The following NCALD variants were observed in gnomAD, a reference collection of about 807,000 sequenced individuals.
NCALD encodes the protein neurocalcin-delta.
In NCALD, 10 loss-of-function variants were observed where a neutral mutation model predicts 18.6. That is an observed-to-expected ratio of 0.54 (90% CI 0.33 to 0.91). The LOEUF (loss-of-function observed/expected upper bound fraction) is 0.91. Among genes scored for constraint, NCALD ranks in the 40% least tolerant of loss-of-function variants. NCALD has a pLI of 0.03. For synonymous variants in NCALD, 88 were observed against 87.4 expected (o/e 1.01, Z -0.04); for missense variants, 184 against 247.6 (o/e 0.74, Z 1.72).
intron 1 of NCALD, among the ~76,000 whole-genome samples, chr8:101,735,890 C>T (rs1809887504): frequency 6.6e-6 from 1 of 152,332 alleles, no homozygotes; most frequent in East Asian, 1.9e-4. Flanking sequence ...ACCGTTGATT[C>T]TCACTTCCAT....
intron 1 of NCALD, among the ~76,000 whole-genome samples, chr8:102,116,349 C>T (rs1430275652): frequency 6.6e-6 from 1 of 152,184 alleles, no homozygotes; most frequent in East Asian, 1.9e-4. Flanking sequence ...AATCTAGGGG[C>T]ACCGTAACAG....
intron 4 of NCALD, among the ~76,000 whole-genome samples, chr8:101,806,330 C>G (rs1813100136): frequency 6.6e-6 from 1 of 152,024 alleles, no homozygotes; most frequent in East Asian, 1.9e-4. Flanking sequence ...AAATGTAACT[C>G]ATACACGGGA....
chr8:101,935,014 T>C (rs770633792), intron 2 of NCALD, among the ~76,000 whole-genome samples: 2 of 151,918 alleles, frequency 1.3e-5, no homozygotes, highest in Non-Finnish European at 2.9e-5. Context: ...TATAAAAAAC[T>C]TGTCAAAGAA....
chr8:101,990,818 GCA>G (rs1230736316), intron 2 of NCALD, among the ~76,000 whole-genome samples: 2 of 152,190 alleles, frequency 1.3e-5, no homozygotes, highest in Non-Finnish European at 2.9e-5. Flanking sequence ...CAGCATTAGG[GCA>G]AGCAATATTC....
chr8:101,918,044 G>A (rs140461193), intron 2 of NCALD, among the ~76,000 whole-genome samples: 13 of 152,062 alleles, frequency 8.5e-5, no homozygotes, highest in South Asian at 4.1e-4. Flanking sequence ...GAAAACTACC[G>A]GCTAATATCT....
chr8:101,798,021 A>G (rs1359632303), intron 4 of NCALD, among the ~76,000 whole-genome samples: 1 of 152,208 alleles, frequency 6.6e-6, no homozygotes, highest in African/African-American at 2.4e-5. Flanking sequence ...TTATCTTGAT[A>G]AAAAGTATCT....
intron 1 of NCALD, among the ~76,000 whole-genome samples, chr8:101,762,901 T>C (rs1000683518): frequency 2.0e-5 from 3 of 152,182 alleles, no homozygotes; most frequent in Non-Finnish European, 2.9e-5. Context: ...AAATGGACAA[T>C]AGATGCTCAA....
At chr8:101,932,141 T>G (rs1818599583) in intron 2 of NCALD, among the ~76,000 whole-genome samples, 1 of 152,188 alleles carries the variant, frequency 6.6e-6, no homozygotes, top group Non-Finnish European at 1.5e-5. Context: ...TCTCTAGGGC[T>G]GACAGTGCTC....
At chr8:101,722,636 C>A (rs1020392206) in intron 1 of NCALD, among the ~76,000 whole-genome samples, 16 of 152,180 alleles carry the variant, frequency 1.1e-4, no homozygotes, top group South Asian at 2.1e-4. Flanking sequence ...TCTTCACAAC[C>A]AAACTTAAGT....
At chr8:101,777,322 A>G (rs1811834406) in intron 1 of NCALD, among the ~76,000 whole-genome samples, 2 of 152,212 alleles carry the variant, frequency 1.3e-5, no homozygotes, top group Non-Finnish European at 2.9e-5. Flanking sequence ...GAAAGCTTGT[A>G]GCTTAATGGA....
chr8:101,953,703 T>A (rs1819517854), intron 2 of NCALD, among the ~76,000 whole-genome samples: 1 of 152,254 alleles, frequency 6.6e-6, no homozygotes, highest in South Asian at 2.1e-4. Flanking sequence ...GCCAAGGTGC[T>A]ATTATAAGAT....
intron 4 of NCALD, among the ~76,000 whole-genome samples, chr8:101,815,647 C>T (rs1468827521): frequency 6.6e-6 from 1 of 152,088 alleles, no homozygotes; most frequent in Non-Finnish European, 1.5e-5. Context: ...ACTGACATCA[C>T]CAAGTGCTGG....
At chr8:102,081,085 G>A (rs1182954847) in intron 1 of NCALD, among the ~76,000 whole-genome samples, 1 of 152,038 alleles carries the variant, frequency 6.6e-6, no homozygotes, top group Admixed American at 6.5e-5. Flanking sequence ...TCTGGGAGGT[G>A]GCTTTGTATA....
At chr8:101,942,310 A>T (rs1221224417) in intron 2 of NCALD, among the ~76,000 whole-genome samples, 1 of 152,166 alleles carries the variant, frequency 6.6e-6, no homozygotes, top group Non-Finnish European at 1.5e-5. Flanking sequence ...ATTCAACACC[A>T]ATCTTGAGGC....
At chr8:101,973,736 A>C (rs1248993327) in intron 2 of NCALD, among the ~76,000 whole-genome samples, 3 of 152,224 alleles carry the variant, frequency 2.0e-5, no homozygotes, top group Non-Finnish European at 4.4e-5. Flanking sequence ...AGAGTGGACC[A>C]TGAGACCACA....
At chr8:101,821,587 T>C (rs1423211383) in intron 4 of NCALD, among the ~76,000 whole-genome samples, 1 of 152,148 alleles carries the variant, frequency 6.6e-6, no homozygotes, top group Non-Finnish European at 1.5e-5. Context: ...CCTCTCTAGA[T>C]GCCAGCCCTC....
At chr8:101,892,698 G>C (rs1264948) in intron 3 of NCALD, among the ~76,000 whole-genome samples, 3 of 149,092 alleles carry the variant, frequency 2.0e-5, no homozygotes, top group Non-Finnish European at 4.4e-5. Flanking sequence ...ACCAAGGCTC[G>C]AGAACTACGT....
intron 1 of NCALD, among the ~76,000 whole-genome samples, chr8:101,723,413 T>C (rs1816448142): frequency 6.6e-6 from 1 of 152,194 alleles, no homozygotes; most frequent in African/African-American, 2.4e-5. Context: ...ACCAAGTGTA[T>C]ATATACTGTG....
intron 4 of NCALD, among the ~76,000 whole-genome samples, chr8:101,803,786 T>C (rs930021062): frequency 1.3e-5 from 2 of 152,202 alleles, no homozygotes; most frequent in Admixed American, 1.3e-4. Flanking sequence ...GGAATCTACT[T>C]CTGGTGAAGA....
Sources: allele counts gnomAD v4.1 joint callset (sites outside exome capture counted in the v4.1 genomes callset), GRCh38; gene constraint gnomAD v4.1.1; transcripts MANE v1.5; gene names NCBI Gene and HGNC (gene_info 2026-07-23, HGNC 2026-07-21).